The following SIX4 variants were observed in gnomAD, a reference collection of about 807,000 sequenced individuals.
SIX4 encodes the protein homeobox protein SIX4.
A neutral mutation model predicts 51.5 loss-of-function variants in SIX4; 23 were observed. That is an observed-to-expected ratio of 0.45 (90% CI 0.32 to 0.63). The LOEUF is 0.63. SIX4 is among the 30% of genes least tolerant of loss of function. The probability of loss-of-function intolerance (pLI) is 0.04; values close to 1 mark genes in which losing one functional copy is unlikely to be tolerated. For missense variants in SIX4, 867 were observed against 984.0 expected (o/e 0.88, Z 1.59); for synonymous variants, 413 against 417.3 (o/e 0.99, Z 0.13).
At position 60,714,135 on chromosome 14, in the gene SIX4, G is replaced by A; in HGVS notation, c.1618C>T (p.Gln540Ter). The change falls in exon 3 of 3, where the codon CAA (glutamine) becomes TAA (stop). Residue 540 changes from glutamine to a stop codon, truncating the protein, a stop_gained. Coordinates refer to ENST00000216513, the MANE Select transcript of SIX4 (RefSeq NM_017420.5). LOFTEE classifies it high-confidence loss of function. ...AGAGAGCTCAAGAAAACCTTTCCTT[G>A]CTGGACTGTGGTAGACTCACTTGTA... The part of the protein sequence containing the change: ...TFTSESTTVQ[Q>*]GKVFLSSLAP... 6.2e-7 allele frequency: 1 copy of A among 1,613,424 alleles called. No individual in the cohort carries two copies. The highest frequency in any genetic ancestry group is 8.5e-7 in the Non-Finnish European group (1 of 1,179,970).
Position 60,724,016 on chromosome 14 carries a change from T to C in SIX4, c.59A>G (p.Asn20Ser). ...CCCTTCCGAGGCGCTTTCCATCCCA[T>C]TCTCTTGCTTGATGTCCGCCGCACT... ...IASAADIKQENGMESASEGQE... is the reference protein window; with the variant it reads ...IASAADIKQESGMESASEGQE... The change falls in exon 1 of 3, where the codon AAT (asparagine) becomes AGT (serine). Residue 20 changes from asparagine to serine, a missense_variant. Asn to Ser is a conservative substitution (Grantham distance 46). Coordinates refer to ENST00000216513, the MANE Select transcript of SIX4 (RefSeq NM_017420.5). The C allele has an allele frequency of 6.6e-7, 1 of 1,521,776 alleles. No homozygotes were observed. The highest frequency in any genetic ancestry group is 8.8e-7 in the Non-Finnish European group (1 of 1,136,854). The allele number at this position is 1,521,776 out of a possible 1,614,324, so 94.3% of individuals were successfully genotyped here.
At position 60,723,400 on chromosome 14, in the gene SIX4, C is replaced by T. The variant is rs561539526; in HGVS notation, c.675G>A (p.Glu225=). ...PLPRTIWDGE[E]TVYCFKEKSR... The stretch of plus-strand genomic sequence containing the variant: ...ACTTCTCCTTGAAACAATACACCGT[C>T]TCCTCGCCGTCCCAGATGGTGCGGG... Residue 225 remains glutamate, a synonymous_variant, in exon 1 of 3, where the codon GAG becomes GAA. Transcript: ENST00000216513. 10 of 1,611,832 alleles carry T rather than the reference C, an allele frequency of 6.2e-6. No individual in the cohort carries two copies. The highest frequency in any genetic ancestry group is 8.5e-6 in the Non-Finnish European group (10 of 1,179,984).
intron 1 of SIX4, among the ~76,000 whole-genome samples, chr14:60,721,548 AC>A (rs1270635797): frequency 6.7e-6 from 1 of 149,032 alleles, no homozygotes; most frequent in Non-Finnish European, 1.5e-5. Context: ...AGGGTGACTC[AC>A]CGGGGGTGCG....
At position 60,713,464 on chromosome 14, in the gene SIX4, T is replaced by G; in HGVS notation, c.2289A>C (p.Lys763Asn). The G allele has an allele frequency of 6.2e-7, 1 of 1,614,008 alleles. No homozygotes were observed. Among genetic ancestry groups the G allele is most frequent in the Non-Finnish European group, 8.5e-7 (1 of 1,179,988 alleles). The change falls in exon 3 of 3, where the codon AAA becomes AAC. Residue 763 changes from lysine (K) to asparagine (N), a missense_variant. By Grantham distance (94) the Lys-to-Asn change is moderately conservative (BLOSUM62 0). Coordinates refer to ENST00000216513, the MANE Select transcript of SIX4 (RefSeq NM_017420.5). ...CAGTCTGGAGCTTGGCAAGCTCTTTTTTGTCTGTTTCCAGGTCTTCACAGA... is the reference window on the plus strand; with the variant it reads ...CAGTCTGGAGCTTGGCAAGCTCTTTGTTGTCTGTTTCCAGGTCTTCACAGA... ...DTVCEDLETD[K>N]KELAKLQTVQ...
Position 60,720,547 on chromosome 14 carries a change from G to A in SIX4, c.864-102C>T. On this transcript the variant is annotated intron_variant, in intron 1 of 2. Coordinates refer to ENST00000216513, the MANE Select transcript of SIX4 (RefSeq NM_017420.5). This position sits in a 1 kb window ranked among gnomAD's most constrained non-coding sequence, Gnocchi z 5.5. ...CCAGCTTCTAAATCCATTAAAGGCAGTATTTAAGGAAAGCACAGCAGGATA... is the reference window on the plus strand; with the variant it reads ...CCAGCTTCTAAATCCATTAAAGGCAATATTTAAGGAAAGCACAGCAGGATA... 3.5e-6 allele frequency: 4 copies of A among 1,156,652 alleles called. No individual in the cohort carries two copies. The highest frequency in any genetic ancestry group is 3.7e-6 in the Non-Finnish European group (3 of 819,804). 71.6% of individuals were successfully genotyped at this position (1,156,652 alleles called of 1,614,324 possible).
At position 60,720,879 on chromosome 14, in the gene SIX4, T is replaced by C; in HGVS notation, c.864-434A>G. 4 of 814,718 alleles carry C rather than the reference T, an allele frequency of 4.9e-6. No homozygotes were observed. The highest frequency in any genetic ancestry group is 6.0e-6 in the Non-Finnish European group (4 of 671,744). 50.5% of individuals were successfully genotyped at this position (814,718 alleles called of 1,614,324 possible). A position where few individuals can be genotyped will look rare whatever the true frequency, so the allele number is the denominator to read the frequency against. ...CTCCCCTCAAACCAATTCAGATTAG[T>C]GTTATCTTGGAGGTAAATGAAGCTG... is the stretch of plus-strand genomic sequence containing the variant. On this transcript the variant is annotated intron_variant, in intron 1 of 2. Transcript: ENST00000216513. This position sits in a 1 kb window ranked among gnomAD's most constrained non-coding sequence, Gnocchi z 5.5.
rs1160410937 is a variant in SIX4 at position 60,722,488 on chromosome 14, C to A, written c.863+724G>T. 1.3e-5 allele frequency among the ~76,000 whole-genome samples: 2 copies of A among 152,266 alleles called. No homozygotes were observed. The highest frequency in any genetic ancestry group is 6.5e-5 in the Admixed American group (1 of 15,298). On this transcript the variant is annotated intron_variant, in intron 1 of 2. Transcript: ENST00000216513. This position sits in a 1 kb window ranked among gnomAD's most constrained non-coding sequence, Gnocchi z 5.9. ...CTGCTACCCCGGCTGCGCTGAAACC[C>A]GATCCTAAGGAGTTCAGAATCAGGT...
At position 60,710,073 on chromosome 14, in the gene SIX4, G is replaced by T. The variant is rs552701721; in HGVS notation, c.*3334C>A. The T allele has an allele frequency of 6.6e-6, 1 of 152,644 alleles. No homozygotes were observed. Among genetic ancestry groups the T allele is most frequent in the Non-Finnish European group, 1.5e-5 (1 of 68,012 alleles). 9.5% of individuals were successfully genotyped at this position (152,644 alleles called of 1,614,324 possible). A position where few individuals can be genotyped will look rare whatever the true frequency, so the allele number is the denominator to read the frequency against. On this transcript the variant is annotated 3_prime_UTR_variant, in exon 3 of 3. Coordinates refer to ENST00000216513, the MANE Select transcript of SIX4 (RefSeq NM_017420.5). ...AGTTTTCCTGAATTATTTTTATTAT[G>T]AGATGATCTGTCAAAACATTTTAAA...
chr14:60,721,641 CGG>C (rs1355612563), intron 1 of SIX4, among the ~76,000 whole-genome samples: 1 of 26,642 alleles, frequency 3.8e-5, no homozygotes, highest in African/African-American at 1.4e-4. Flanking sequence ...TGGGGTGGGG[CGG>C]GGGGGACGAA....
chr14:60,713,914 A>G lies in SIX4; in HGVS notation c.1839T>C (p.Asn613=), dbSNP rs772257075. The change falls in exon 3 of 3, where the codon AAT becomes AAC. Residue 613 remains asparagine (N), a synonymous_variant. Coordinates refer to ENST00000216513, the MANE Select transcript of SIX4 (RefSeq NM_017420.5). ...GLHPLASSLV[N]VSPTHNFSLS... The stretch of plus-strand genomic sequence containing the variant: ...GAGAAAAATTGTGAGTTGGAGATAC[A>G]TTAACTAATGAGGAGGCCAGTGGAT... The G allele has an allele frequency of 6.2e-6, 10 of 1,614,196 alleles. No individual in the cohort carries two copies. The South Asian group carries it at 9.9e-5, about 16-fold the overall frequency.
chr14:60,718,629 C>G (rs1895962822), intron 2 of SIX4, among the ~76,000 whole-genome samples: 2 of 152,196 alleles, frequency 1.3e-5, no homozygotes, highest in African/African-American at 4.8e-5. Flanking sequence ...AGTAACTTAA[C>G]TCTTTCCATA....
rs1895808290 is a variant in SIX4, at chr14:60,710,964, A to G, written c.*2443T>C. On this transcript the variant is annotated 3_prime_UTR_variant, in exon 3 of 3. Coordinates refer to ENST00000216513, the MANE Select transcript of SIX4 (RefSeq NM_017420.5). ...GAGAAAAGAGGAAGAACACTGAATA[A>G]AAGAGAGGCTTATTGTATTTTCGGA... 6.6e-6 allele frequency: 1 copy of G among 151,948 alleles called. No homozygotes were observed. Among genetic ancestry groups the G allele is most frequent in the Admixed American group, 6.6e-5 (1 of 15,164 alleles). 9.4% of individuals were successfully genotyped at this position (151,948 alleles called of 1,614,324 possible). A position where few individuals can be genotyped will look rare whatever the true frequency, so the allele number is the denominator to read the frequency against.
In SIX4 at chr14:60,713,737, A is replaced by G; in HGVS notation, c.2016T>C (p.Gly672=). ...ATLQNCSLIT[G]QDLLSVPMTQ... is the part of the protein sequence containing the mutation. ...TCATAGGGACTGACAATAGGTCTTG[A>G]CCAGTAATAAGGGAGCAGTTCTGAA... The change falls in exon 3 of 3, where the codon GGT becomes GGC. Residue 672 remains glycine, a synonymous_variant. Coordinates refer to ENST00000216513, the MANE Select transcript of SIX4 (RefSeq NM_017420.5). 1 of 1,614,224 alleles carries G rather than the reference A, an allele frequency of 6.2e-7. No homozygotes were observed. The highest frequency in any genetic ancestry group is 1.1e-5 in the South Asian group (1 of 91,082).
rs1479776154 is a variant in SIX4, at chr14:60,724,159, TCTCC to T, written c.-89_-86del. The T allele has an allele frequency of 3.1e-6, 5 of 1,599,068 alleles. No homozygotes were observed. Among genetic ancestry groups the T allele is most frequent in the Non-Finnish European group, 3.4e-6 (4 of 1,176,512 alleles). ...CTCCTCTCTTACTCCTCCTCCTTCG[TCTCC>T]CTCCCTCCTCTCCCCCTCCGGAAAG... On this transcript the variant is annotated 5_prime_UTR_variant, in exon 1 of 3. The change abolishes the stop of an existing upstream ORF in the 5' untranslated region. Transcript: ENST00000216513.
At position 60,723,786 on chromosome 14, in the gene SIX4, C is replaced by T. The variant is rs573829440; in HGVS notation, c.289G>A (p.Ala97Thr). The change falls in exon 1 of 3, where the codon GCC becomes ACC. Residue 97 changes from alanine to threonine, a missense_variant. By Grantham distance (58) the Ala-to-Thr change is moderately conservative (BLOSUM62 0). Coordinates refer to ENST00000216513, the MANE Select transcript of SIX4 (RefSeq NM_017420.5). ...HSELLGRHHH[A>T]AAAAAQTPLA... ...GGGGTCTGCGCGGCGGCGGCGGCGG[C>T]GTGGTGGTGCCTGCCCAGAAGTTCC... The T allele has an allele frequency of 7.2e-6, 11 of 1,536,198 alleles. No individual in the cohort carries two copies. The highest frequency in any genetic ancestry group is 9.6e-6 in the Non-Finnish European group (11 of 1,147,040).
At position 60,723,495 on chromosome 14, in the gene SIX4, C is replaced by T. The variant is rs1428086850; in HGVS notation, c.580G>A (p.Ala194Thr). 6.2e-7 allele frequency: 1 copy of T among 1,606,264 alleles called. No individual in the cohort carries two copies. Among genetic ancestry groups the T allele is most frequent in the Admixed American group, 1.7e-5 (1 of 59,930 alleles). ...AGCGGCCGGCCGCGGGCTCGCTCGG[C>T]CTCGGTGTAGCGCGCCTTGTACCAG... Reference protein sequence around the residue: ...QLWYKARYTEAERARGRPLGA... With the variant: ...QLWYKARYTETERARGRPLGA... Residue 194 changes from alanine to threonine, a missense_variant, in exon 1 of 3, where the codon GCC (alanine) becomes ACC (threonine). Transcript: ENST00000216513.
rs1278655464 is a variant in SIX4 at position 60,722,020 on chromosome 14, G to A, written c.863+1192C>T. On this transcript the variant is annotated intron_variant, in intron 1 of 2. Coordinates refer to ENST00000216513, the MANE Select transcript of SIX4 (RefSeq NM_017420.5). This position sits in a 1 kb window ranked among gnomAD's most constrained non-coding sequence, Gnocchi z 5.9. ...CCACAGGGGCCCAGAAGCGGCAAGG[G>A]CGGGCTGAGACCGGCTCTGGAATGC... 6.6e-6 allele frequency among the ~76,000 whole-genome samples: 1 copy of A among 152,224 alleles called. No homozygotes were observed. The highest frequency in any genetic ancestry group is 1.5e-5 in the Non-Finnish European group (1 of 68,034).
At position 60,724,304 on chromosome 14, in the gene SIX4, C is replaced by CT. The variant is rs1381303594; in HGVS notation, c.-231dup. The CT allele has an allele frequency of 6.6e-7, 1 of 1,517,074 alleles. No individual in the cohort carries two copies. Among genetic ancestry groups the CT allele is most frequent in the Non-Finnish European group, 8.8e-7 (1 of 1,134,940 alleles). 94.0% of individuals were successfully genotyped at this position (1,517,074 alleles called of 1,614,324 possible). The stretch of plus-strand genomic sequence containing the variant: ...AGTAGTGTAAACGGATAGCTGCTTT[C>CT]TGCCGTTCCCCCAACGTGACTCCTC... On this transcript the variant is annotated 5_prime_UTR_variant, in exon 1 of 3. The change abolishes the stop of an existing upstream ORF in the 5' untranslated region. Coordinates refer to ENST00000216513, the MANE Select transcript of SIX4 (RefSeq NM_017420.5).
chr14:60,719,670 C>T lies in SIX4; in HGVS notation c.1549+90G>A, dbSNP rs922335632. On this transcript the variant is annotated intron_variant, in intron 2 of 2. Transcript: ENST00000216513. This position sits in a 1 kb window ranked among gnomAD's most constrained non-coding sequence, Gnocchi z 4.9. ...AGCTAATAAGGTACCTGAACAGAAA[C>T]ATCAATCTATAGCTATCACCAAATG... 1.2e-5 allele frequency: 16 copies of T among 1,322,224 alleles called. No individual in the cohort carries two copies. The highest frequency in any genetic ancestry group is 2.9e-5 in the African/African-American group (2 of 68,552). 81.9% of individuals were successfully genotyped at this position (1,322,224 alleles called of 1,614,324 possible).
Sources: gnomAD v4.1 joint callset for allele counts (sites outside exome capture counted in the v4.1 genomes callset) on GRCh38, gnomAD v4.1.1 for gene constraint, Gnocchi (gnomAD v3.1) non-coding constraint, MANE v1.5 for transcripts, NCBI Gene and HGNC (gene_info 2026-07-23, HGNC 2026-07-21) for gene names.